Variants in VEPH1 observed in about 807,000 individuals in gnomAD.
VEPH1 encodes ventricular zone-expressed PH domain-containing protein homolog 1.
Under a neutral mutation model 85.2 loss-of-function variants are expected in VEPH1, and 80 were observed. That is an observed-to-expected ratio of 0.94 (90% CI 0.78 to 1.13). VEPH1 has a LOEUF of 1.13. Ranked by LOEUF, VEPH1 falls within the 50% of genes most tolerant of loss-of-function variation. The probability of loss-of-function intolerance (pLI) is 0.00; values close to 1 mark genes in which losing one functional copy is unlikely to be tolerated. For synonymous variants in VEPH1, 297 were observed against 348.0 expected, an observed-to-expected ratio of 0.85 and a Z score of 1.63; for missense variants, 955 against 980.5, an observed-to-expected ratio of 0.97 and a Z score of 0.35.
At chr3:157,277,880 A>G (rs1457178630) in intron 12 of VEPH1, among the ~76,000 whole-genome samples, 3 of 152,240 alleles carry the variant, frequency 2.0e-5, no homozygotes, top group Non-Finnish European at 2.9e-5. Context: ...ATGTCATCAT[A>G]TGAATATCTA....
At chr3:157,413,774 A>G (rs1731695571) in intron 6 of VEPH1, 107 bp downstream of exon 6, 4 of 1,418,860 alleles carry the variant, frequency 2.8e-6, no homozygotes, top group Admixed American at 2.3e-5. Flanking sequence ...TGGAACTCCC[A>G]GAAATTCCAG....
chr3:157,301,696 CCTT>C (rs1311305230), intron 11 of VEPH1, among the ~76,000 whole-genome samples: 2 of 152,180 alleles, frequency 1.3e-5, no homozygotes, highest in African/African-American at 4.8e-5. Context: ...CTTTCTTTCT[CCTT>C]CTTGGACACT....
chr3:157,470,796 C>G (rs1359113956), intron 2 of VEPH1, among the ~76,000 whole-genome samples: 2 of 152,198 alleles, frequency 1.3e-5, no homozygotes, highest in East Asian at 3.9e-4. Flanking sequence ...CTTAACTATT[C>G]ACTTGCAAGT....
chr3:157,341,920 A>G (rs1354140952), intron 9 of VEPH1, among the ~76,000 whole-genome samples: 2 of 152,170 alleles, frequency 1.3e-5, no homozygotes, highest in African/African-American at 4.8e-5. Context: ...ATATCCAGCC[A>G]AACTAAACTT....
intron 12 of VEPH1, among the ~76,000 whole-genome samples, chr3:157,269,080 T>G (rs1018067803): frequency 6.6e-6 from 1 of 152,238 alleles, no homozygotes; most frequent in African/African-American, 2.4e-5. Context: ...AGTTATGATA[T>G]CTGAGATGAT....
intron 9 of VEPH1, among the ~76,000 whole-genome samples, chr3:157,343,723 A>G (rs1723868420): frequency 6.6e-6 from 1 of 152,194 alleles, no homozygotes; most frequent in African/African-American, 2.4e-5. Context: ...AGACACAACA[A>G]AAAAAGAGAA....
chr3:157,272,669 C>T lies in VEPH1; in HGVS notation c.2129-7007G>A, dbSNP rs114686024. Among the ~76,000 whole-genome samples, 638 of 151,914 alleles carry T rather than the reference C, an allele frequency of 4.2e-3. 6 individuals carry two copies. Among genetic ancestry groups the T allele is most frequent in the African/African-American group, 0.015 (609 of 41,428 alleles). ...TTGTAGAAATGGGGTTAGGCCATGT[C>T]GCCCATGGTCCTCAAACTCCTGGGC... On this transcript the variant is annotated intron_variant, in intron 12 of 13. Coordinates refer to ENST00000362010, the MANE Select transcript of VEPH1 (RefSeq NM_001167912.2).
At chr3:157,411,705 G>A (rs547803215) in intron 6 of VEPH1, among the ~76,000 whole-genome samples, 4 of 152,256 alleles carry the variant, frequency 2.6e-5, no homozygotes, top group African/African-American at 9.6e-5. Flanking sequence ...CCCAGGAAGG[G>A]GGGTGAATCA....
At chr3:157,380,407 G>A (rs1029508158) in intron 7 of VEPH1, among the ~76,000 whole-genome samples, 2 of 152,184 alleles carry the variant, frequency 1.3e-5, no homozygotes, top group African/African-American at 4.8e-5. Flanking sequence ...ACTCTGTTGA[G>A]CCTATCATCC....
chr3:157,267,227 C>T (rs1211702577), intron 12 of VEPH1, among the ~76,000 whole-genome samples: 1 of 151,210 alleles, frequency 6.6e-6, no homozygotes, highest in East Asian at 2.0e-4. Flanking sequence ...TCCCGAGTAG[C>T]TGAGACTACA....
intron 10 of VEPH1, among the ~76,000 whole-genome samples, 154 bp from the exon 11 acceptor site, chr3:157,313,909 C>CA (rs944087776): frequency 6.6e-6 from 1 of 152,090 alleles, no homozygotes; most frequent in African/African-American, 2.4e-5. Flanking sequence ...AAAGATCGAA[C>CA]ATATGGGGTT....
chr3:157,312,476 A>AACC (rs10537297), intron 11 of VEPH1, among the ~76,000 whole-genome samples: 2 of 151,506 alleles, frequency 1.3e-5, no homozygotes, highest in East Asian at 1.9e-4. Context: ...ATTGGTATTT[A>AACC]ACCACCACCA....
At position 157,466,480 on chromosome 3, in the gene VEPH1, C is replaced by A. The variant is rs561471851; in HGVS notation, c.354+3834G>T. 6.6e-5 allele frequency among the ~76,000 whole-genome samples: 10 copies of A among 152,312 alleles called. No individual in the cohort carries two copies. In the South Asian group the frequency reaches 1.5e-3, roughly 22 times the overall value. On this transcript the variant is annotated intron_variant, in intron 3 of 13. Transcript: ENST00000362010. ...CTGCAAGACTGGATTAATTTGCTAG[C>A]TACAAACCACTACTTCTATTGAGTA...
rs192199648 is a variant in VEPH1, at chr3:157,397,687, G to A, written c.906+16194C>T. Among the ~76,000 whole-genome samples, 3 of 152,242 alleles carry A rather than the reference G, an allele frequency of 2.0e-5. No individual in the cohort carries two copies. The East Asian group carries it at 5.8e-4, about 29-fold the overall frequency. On this transcript the variant is annotated intron_variant, in intron 6 of 13. Transcript: ENST00000362010. ...ATTTTATTCTCTTTGTAGCAATTGT[G>A]AATGGGACTTCATTCATGATTTGGC...
chr3:157,460,009 C>T, intron 4 of VEPH1, 172 bp downstream of exon 4: 1 of 1,546,892 alleles, frequency 6.5e-7, no homozygotes, highest in Non-Finnish European at 8.7e-7. Flanking sequence ...GGGACACAGA[C>T]AGCCAGATTA....
rs1728449819 is a variant in VEPH1, at chr3:157,378,856, CTCT to C, written c.1127+2297_1127+2299del. On this transcript the variant is annotated intron_variant, in intron 7 of 13. Transcript: ENST00000362010. ...TATCTCTGGGTGTTCATCCACCCCC[CTCT>C]TCTTCTTACTCCACCTCCAATAGGT... Among the ~76,000 whole-genome samples the C allele has an allele frequency of 3.3e-5, 5 of 152,242 alleles. 1 individual carries two copies. In the South Asian group the frequency reaches 1.0e-3, roughly 32 times the overall value.
chr3:157,434,916 C>T (rs997580310), intron 4 of VEPH1, among the ~76,000 whole-genome samples: 2 of 152,122 alleles, frequency 1.3e-5, no homozygotes, highest in Non-Finnish European at 2.9e-5. Flanking sequence ...TCCTCCTGAA[C>T]AATGAAATGA....
intron 6 of VEPH1, among the ~76,000 whole-genome samples, chr3:157,390,602 A>G (rs112646170): frequency 6.6e-6 from 1 of 152,238 alleles, no homozygotes; most frequent in Non-Finnish European, 1.5e-5. Context: ...GCAAGATAGT[A>G]CATAAAGATC....
chr3:157,465,516 T>C (rs1736283286), intron 3 of VEPH1, among the ~76,000 whole-genome samples: 1 of 152,224 alleles, frequency 6.6e-6, no homozygotes, highest in Non-Finnish European at 1.5e-5. Context: ...AATTAAGGCC[T>C]GGAAAGATTA....
Sources: allele counts gnomAD v4.1 joint callset (sites outside exome capture counted in the v4.1 genomes callset), GRCh38; gene constraint gnomAD v4.1.1; transcripts MANE v1.5; gene names NCBI Gene and HGNC (gene_info 2026-07-23, HGNC 2026-07-21).